Variants in EGF observed in about 807,000 individuals in gnomAD.
EGF encodes pro-epidermal growth factor.
EGF carries 95 observed loss-of-function variants against 143.8 expected under a neutral mutation model. The ratio of observed to expected loss-of-function variants is 0.66; its 90% CI spans 0.56 to 0.78. EGF has a LOEUF of 0.78. Ranked by LOEUF, EGF falls within the 30% of genes least tolerant of loss-of-function variation. The probability of loss-of-function intolerance (pLI) is 0.00; values close to 1 mark genes in which losing one functional copy is unlikely to be tolerated. For synonymous variants in EGF, 510 were observed against 510.5 expected, an observed-to-expected ratio of 1.00 and a Z score of 0.01; for missense variants, 1,320 against 1,470.9, an observed-to-expected ratio of 0.90 and a Z score of 1.68.
intron 1 of EGF, among the ~76,000 whole-genome samples, chr4:109,936,525 T>G (rs1740829964): frequency 6.6e-6 from 1 of 152,214 alleles, no homozygotes; most frequent in South Asian, 2.1e-4. Flanking sequence ...TTGAAGAGTT[T>G]TTCATATCTC....
At chr4:109,981,120 A>G (rs1749296777) in intron 15 of EGF, 145 bp downstream of exon 15, 2 of 1,312,466 alleles carry the variant, frequency 1.5e-6, no homozygotes, top group Non-Finnish European at 2.2e-6. Context: ...TTGTTTGTTT[A>G]TTTGTTCTCT....
chr4:109,914,501 G>A (rs930041237), intron 1 of EGF, among the ~76,000 whole-genome samples: 4 of 152,164 alleles, frequency 2.6e-5, no homozygotes, highest in Admixed American at 6.5e-5. Flanking sequence ...GGAAGTTCCC[G>A]ATGAGGAAAT....
At chr4:109,983,621 C>G (rs1263709307) in intron 16 of EGF, 80 bp downstream of exon 16, 4 of 1,587,958 alleles carry the variant, frequency 2.5e-6, no homozygotes, top group Middle Eastern at 1.7e-4. Flanking sequence ...AATTACCTTT[C>G]TAACTTAATA....
intron 13 of EGF, among the ~76,000 whole-genome samples, chr4:109,979,620 G>A (rs1026793351): frequency 4.6e-5 from 7 of 152,100 alleles, no homozygotes; most frequent in African/African-American, 1.4e-4. Context: ...TAAGTTACTC[G>A]AGTTTAGTCT....
chr4:109,970,545 C>A (rs978599974), intron 11 of EGF, among the ~76,000 whole-genome samples: 4 of 152,024 alleles, frequency 2.6e-5, no homozygotes, highest in Non-Finnish European at 5.9e-5. Flanking sequence ...TCAGGATAAT[C>A]CATGGGAAAC....
At chr4:109,961,064 G>A in intron 7 of EGF, 75 bp downstream of exon 7, 2 of 1,553,048 alleles carry the variant, frequency 1.3e-6, no homozygotes, top group Admixed American at 1.7e-5. Context: ...GCTATGATCT[G>A]GGTTGGTGAT....
intron 19 of EGF, among the ~76,000 whole-genome samples, chr4:109,994,311 A>T (rs1751463240): frequency 6.6e-6 from 1 of 152,146 alleles, no homozygotes; most frequent in South Asian, 2.1e-4. Flanking sequence ...ACTCCAGGAT[A>T]TTGGAGGTAA....
intron 5 of EGF, among the ~76,000 whole-genome samples, chr4:109,953,982 A>G (rs1487399222): frequency 6.6e-6 from 1 of 152,258 alleles, no homozygotes; most frequent in Non-Finnish European, 1.5e-5. Context: ...AAACTGCCAG[A>G]AATGAGGATA....
At chr4:110,004,225 C>G (rs1173139806) in intron 21 of EGF, 27 of 435,280 alleles carry the variant, frequency 6.2e-5, no homozygotes, top group Non-Finnish European at 6.0e-5. Context: ...TACACACACA[C>G]ACACACACAC....
rs572057220 is a variant in EGF at position 109,936,167 on chromosome 4, G to A, written c.128-4779G>A. Among the ~76,000 whole-genome samples, 9 of 152,208 alleles carry A rather than the reference G, an allele frequency of 5.9e-5. No individual in the cohort carries two copies. In the Middle Eastern group the frequency reaches 0.01, roughly 173 times the overall value. ...TCTGGTAGAATTCGACTGTGAATCC[G>A]TCTGGTCCTGGAATTTTTATGGTTG... On this transcript the variant is annotated intron_variant, in intron 1 of 23. Coordinates refer to ENST00000265171, the MANE Select transcript of EGF (RefSeq NM_001963.6).
intron 1 of EGF, among the ~76,000 whole-genome samples, chr4:109,932,378 A>ATATATATATATATATATATATATATAT (rs1560643472): frequency 7.9e-5 from 6 of 75,744 alleles, no homozygotes; most frequent in Admixed American, 1.4e-4. Flanking sequence ...TATATATATA[A>ATATATATATATATATATATATATATAT]ATTTTTTTTT....
At chr4:109,940,793 A>C (rs1741794155) in intron 1 of EGF, 153 bp from the exon 2 acceptor site, 1 of 728,930 alleles carries the variant, frequency 1.4e-6, no homozygotes, top group Non-Finnish European at 2.3e-6. Context: ...TATCTACAGG[A>C]ACTCTTTATT....
chr4:109,970,888 C>T (rs1467724773), intron 11 of EGF, among the ~76,000 whole-genome samples: 2 of 148,744 alleles, frequency 1.3e-5, no homozygotes, highest in African/African-American at 5.0e-5. Flanking sequence ...TATCAGTTAT[C>T]AATAGTATGG....
rs369964269 is a variant in EGF, at chr4:109,988,643, A to G, written c.2668A>G (p.Asn890Asp). 1.1e-5 allele frequency: 18 copies of G among 1,614,102 alleles called. No individual in the cohort carries two copies. Among genetic ancestry groups the G allele is most frequent in the Non-Finnish European group, 1.4e-5 (17 of 1,179,956 alleles). The change falls in exon 18 of 24, where the codon AAC (asparagine) becomes GAC (aspartate). Residue 890 changes from asparagine (N) to aspartate (D), a missense_variant. This residue lies in a region of EGF where 1,186 missense variants were observed against 1,313.7 expected (regional missense o/e 0.90). Coordinates refer to ENST00000265171, the MANE Select transcript of EGF (RefSeq NM_001963.6). Reference protein sequence around the residue: ...VCPPASSKCINTEGGYVCRCS... With the variant: ...VCPPASSKCIDTEGGYVCRCS... ...CCCCCCTGCCTCCTCCAAGTGCATC[A>G]ACACCGAAGGTGGTTATGTCTGCCG... is the stretch of plus-strand genomic sequence containing the variant.
chr4:110,008,777 C>G (rs1186696355), intron 23 of EGF, among the ~76,000 whole-genome samples: 1 of 152,120 alleles, frequency 6.6e-6, no homozygotes, highest in East Asian at 1.9e-4. Flanking sequence ...TAAAATCAAC[C>G]CAGGTTCTCA....
chr4:109,948,855 G>C (rs997271105), intron 5 of EGF, among the ~76,000 whole-genome samples: 18 of 152,174 alleles, frequency 1.2e-4, no homozygotes, highest in Admixed American at 1.2e-3. Flanking sequence ...TGCCTAAATT[G>C]CAGCTCCTCT....
At chr4:109,931,983 A>C (rs1398831185) in intron 1 of EGF, among the ~76,000 whole-genome samples, 1 of 152,204 alleles carries the variant, frequency 6.6e-6, no homozygotes, top group Non-Finnish European at 1.5e-5. Flanking sequence ...TTTGTGCTTT[A>C]TGAATTTACA....
intron 1 of EGF, among the ~76,000 whole-genome samples, chr4:109,933,430 T>C (rs1026049905): frequency 3.9e-5 from 6 of 152,222 alleles, no homozygotes; most frequent in South Asian, 2.1e-4. Context: ...TTTTCTTTTT[T>C]TTTTTTTTAT....
intron 20 of EGF, among the ~76,000 whole-genome samples, chr4:109,995,698 C>G (rs761651153): frequency 3.9e-5 from 6 of 152,178 alleles, no homozygotes; most frequent in Non-Finnish European, 8.8e-5. Flanking sequence ...GGGTCAGGCT[C>G]CTGATCCATT....
Sources: allele counts gnomAD v4.1 joint callset (sites outside exome capture counted in the v4.1 genomes callset), GRCh38; gene constraint gnomAD v4.1.1; regional missense constraint gnomAD v4.1.1; transcripts MANE v1.5; gene names NCBI Gene and HGNC (gene_info 2026-07-23, HGNC 2026-07-21).